Variants in PPIL2 observed in about 807,000 individuals in gnomAD.
The protein encoded by PPIL2 is peptidylprolyl isomerase like 2, also known as RING-type E3 ubiquitin-protein ligase PPIL2.
PPIL2 carries 50 observed loss-of-function variants against 75.2 expected under a neutral mutation model. The ratio of observed to expected loss-of-function variants is 0.66; its 90% CI spans 0.53 to 0.84. The LOEUF (loss-of-function observed/expected upper bound fraction) is 0.84, where lower values mean the gene tolerates loss of function less well. PPIL2 is among the 40% of genes least tolerant of loss of function. The pLI, the probability that PPIL2 is intolerant of heterozygous loss-of-function variation, is 0.00. For synonymous variants in PPIL2, 245 were observed against 258.8 expected (o/e 0.95, Z 0.51); for missense variants, 590 against 685.0 (o/e 0.86, Z 1.55).
chr22:21,695,629 G>A lies in PPIL2; in HGVS notation c.*139G>A, dbSNP rs748496583. 41 of 1,475,166 alleles carry A rather than the reference G, an allele frequency of 2.8e-5. No individual in the cohort carries two copies. The highest frequency in any genetic ancestry group is 3.5e-5 in the Non-Finnish European group (39 of 1,109,556). The allele number at this position is 1,475,166 out of a possible 1,614,324, so 91.4% of individuals were successfully genotyped here. A position where few individuals can be genotyped will look rare whatever the true frequency, so the allele number is the denominator to read the frequency against. On this transcript the variant is annotated 3_prime_UTR_variant, in exon 20 of 20. Coordinates refer to ENST00000398831, the MANE Select transcript of PPIL2 (RefSeq NM_014337.4). The stretch of plus-strand genomic sequence containing the variant: ...GCCTGCTGCCTGCATCCCCTTTCCT[G>A]GCCCCTGGGAGCCCACAGCCTTCCC...
Position 21,686,792 on chromosome 22 carries a change from G to C in PPIL2, c.791-100G>C, listed in dbSNP as rs1028516148. ...AGCTCCCCTGCTCTCCCCAGAGCTG[G>C]AGCCTAGTCCCCGCCTGTGTGTCTG... is the stretch of plus-strand genomic sequence containing the variant. On this transcript the variant is annotated intron_variant, in intron 11 of 19. Coordinates refer to ENST00000398831, the MANE Select transcript of PPIL2 (RefSeq NM_014337.4). 8.0e-6 allele frequency: 10 copies of C among 1,243,654 alleles called. No homozygotes were observed. In the Admixed American group the frequency reaches 1.2e-4, roughly 15 times the overall value. The allele number at this position is 1,243,654 out of a possible 1,614,324, so 77.0% of individuals were successfully genotyped here.
intron 6 of PPIL2, among the ~76,000 whole-genome samples, chr22:21,680,141 C>T (rs2067050858): frequency 6.6e-6 from 1 of 151,770 alleles, no homozygotes; most frequent in African/African-American, 2.4e-5. Context: ...GTTGATGTTT[C>T]TGAGTCCCCC....
chr22:21,696,135 C>T lies in PPIL2; in HGVS notation c.*645C>T. On this transcript the variant is annotated 3_prime_UTR_variant, in exon 20 of 20. Transcript: ENST00000398831. ...TGAGCCTAAGCCTCTGCAGGGTGGG[C>T]TTCTCGGTCTGTTTTGACAAAACTT... The T allele has an allele frequency of 1.0e-6, 1 of 996,218 alleles. No homozygotes were observed. Among genetic ancestry groups the T allele is most frequent in the Non-Finnish European group, 1.2e-6 (1 of 835,534 alleles). The allele number at this position is 996,218 out of a possible 1,614,324, so 61.7% of individuals were successfully genotyped here.
rs536544068 is a variant in PPIL2 at position 21,694,135 on chromosome 22, C to T, written c.1196+263C>T. Among the ~76,000 whole-genome samples the T allele has an allele frequency of 6.6e-4, 101 of 152,280 alleles. No homozygotes were observed. The highest frequency in any genetic ancestry group is 1.2e-3 in the Non-Finnish European group (81 of 68,020). ...CACTGCCCTGTCTCAGACCCAGTGGCGCGCCACTCGCAAGCCTGGCCACAC... is the reference window on the plus strand; with the variant it reads ...CACTGCCCTGTCTCAGACCCAGTGGTGCGCCACTCGCAAGCCTGGCCACAC... On this transcript the variant is annotated intron_variant, in intron 16 of 19. Coordinates refer to ENST00000398831, the MANE Select transcript of PPIL2 (RefSeq NM_014337.4).
chr22:21,693,904 G>A (rs1354827779), intron 16 of PPIL2, 32 bp downstream of exon 16: 2 of 1,523,802 alleles, frequency 1.3e-6, no homozygotes, highest in African/African-American at 1.4e-5. Context: ...AGCCTGGGGG[G>A]TCAGTGGGCT....
rs527847760 is a variant in PPIL2, at chr22:21,675,665, G to A, written c.295+550G>A. On this transcript the variant is annotated intron_variant, in intron 6 of 19. Coordinates refer to ENST00000398831, the MANE Select transcript of PPIL2 (RefSeq NM_014337.4). ...ATCAGGCCATTGTAAGCTGCTAGTG[G>A]CCTTTGTGGGCACAGTTGGATCTGC... 6.6e-4 allele frequency among the ~76,000 whole-genome samples: 101 copies of A among 152,360 alleles called. 1 individual carries two copies. Among genetic ancestry groups the A allele is most frequent in the African/African-American group, 2.2e-3 (90 of 41,582 alleles).
intron 9 of PPIL2, among the ~76,000 whole-genome samples, chr22:21,684,148 AGT>A (rs778184459): frequency 6.6e-6 from 1 of 151,908 alleles, no homozygotes; most frequent in Non-Finnish European, 1.5e-5. Context: ...TGGAGGCTAC[AGT>A]GAGCTGAGAT....
chr22:21,697,149 A>G lies in PPIL2; in HGVS notation c.*1659A>G. The G allele has an allele frequency of 1.3e-6, 1 of 744,942 alleles. No homozygotes were observed. Among genetic ancestry groups the G allele is most frequent in the East Asian group, 2.7e-5 (1 of 36,948 alleles). The allele number at this position is 744,942 out of a possible 1,614,324, so 46.1% of individuals were successfully genotyped here. A position where few individuals can be genotyped will look rare whatever the true frequency, so the allele number is the denominator to read the frequency against. On this transcript the variant is annotated 3_prime_UTR_variant, in exon 20 of 20. Coordinates refer to ENST00000398831, the MANE Select transcript of PPIL2 (RefSeq NM_014337.4). ...GCAGCCCTGGCAGTAACTGGCTTGTAAGAGGCTCAGACACCAAGCTGGGCC... is the reference window on the plus strand; with the variant it reads ...GCAGCCCTGGCAGTAACTGGCTTGTGAGAGGCTCAGACACCAAGCTGGGCC...
At chr22:21,672,850 C>T (rs114266237) in intron 5 of PPIL2, among the ~76,000 whole-genome samples, 2,014 of 152,296 alleles carry the variant, frequency 0.013, 43 homozygotes, top group African/African-American at 0.044. Context: ...CTGTGCGAGA[C>T]GGAGGGTCGG....
chr22:21,684,982 T>G (rs2067297521), intron 10 of PPIL2, 69 bp downstream of exon 10: 1 of 1,575,140 alleles, frequency 6.3e-7, no homozygotes, highest in African/African-American at 1.4e-5. Context: ...CCTCTTGGAG[T>G]GGTCCTGGGA....
At chr22:21,676,635 C>A (rs1392563013) in intron 6 of PPIL2, among the ~76,000 whole-genome samples, 3 of 151,918 alleles carry the variant, frequency 2.0e-5, no homozygotes, top group African/African-American at 7.3e-5. Flanking sequence ...TCCATTTAAC[C>A]CTGAGTGAAC....
chr22:21,669,156 TTTG>T (rs953598467), intron 1 of PPIL2, among the ~76,000 whole-genome samples: 17 of 151,154 alleles, frequency 1.1e-4, no homozygotes, highest in Non-Finnish European at 2.2e-4. Context: ...GCCGGTTTTT[TTTG>T]TTTTTTGTTT....
At chr22:21,683,533 G>A (rs2067219144) in intron 9 of PPIL2, among the ~76,000 whole-genome samples, 2 of 152,254 alleles carry the variant, frequency 1.3e-5, no homozygotes, top group African/African-American at 4.8e-5. Context: ...GGGGTGATGG[G>A]GTCCTCCTGT....
intron 5 of PPIL2, among the ~76,000 whole-genome samples, chr22:21,673,067 G>C (rs113752523): frequency 0.021 from 3,229 of 152,336 alleles, 47 homozygotes; most frequent in African/African-American, 0.038. Flanking sequence ...TCCAGTACAA[G>C]GGGAACTTGG....
chr22:21,697,935 A>AGAT (rs1205305740), downstream of PPIL2: 2 of 152,390 alleles, frequency 1.3e-5, no homozygotes, highest in African/African-American at 4.8e-5. Context: ...AATATCTGAC[A>AGAT]GATGCCATCA....
chr22:21,675,162 A>G (rs201798333), intron 6 of PPIL2, 47 bp downstream of exon 6: 565 of 1,508,866 alleles, frequency 3.7e-4, no homozygotes, highest in Non-Finnish European at 4.7e-4. Flanking sequence ...CTGCAGACCC[A>G]AGGGCCCAGC....
At chr22:21,688,657 C>A (rs1259502080) in intron 14 of PPIL2, 75 bp from the exon 15 acceptor site, 2 of 1,433,642 alleles carry the variant, frequency 1.4e-6, no homozygotes, top group Admixed American at 1.7e-5. Flanking sequence ...TGATGCCCCT[C>A]GGGACTCTGA....
chr22:21,686,277 G>A (rs958826213), intron 10 of PPIL2, among the ~76,000 whole-genome samples: 2 of 152,196 alleles, frequency 1.3e-5, no homozygotes, highest in African/African-American at 2.4e-5. Flanking sequence ...CATAAGAGTC[G>A]GGATCCAGTG....
intron 2 of PPIL2, 175 bp from the exon 3 acceptor site, chr22:21,670,391 G>T: frequency 6.7e-7 from 1 of 1,484,440 alleles, no homozygotes; most frequent in Middle Eastern, 1.7e-4. Context: ...GTTCTTTTTT[G>T]ATGTACCCCA....
Sources: allele counts gnomAD v4.1 joint callset (sites outside exome capture counted in the v4.1 genomes callset), GRCh38; gene constraint gnomAD v4.1.1; transcripts MANE v1.5; gene names NCBI Gene and HGNC (gene_info 2026-07-23, HGNC 2026-07-21).